TRAPPC12: variants seen among roughly 807,000 people sequenced by gnomAD.
TRAPPC12 encodes trafficking protein particle complex subunit 12.
A neutral mutation model predicts 69.2 loss-of-function variants in TRAPPC12; 61 were observed. The observed-to-expected ratio is 0.88, with a 90% confidence interval of 0.72 to 1.09. TRAPPC12 has a LOEUF of 1.09. Ranked by LOEUF, TRAPPC12 falls within the 50% of genes least tolerant of loss-of-function variation. The pLI, the probability that TRAPPC12 is intolerant of heterozygous loss-of-function variation, is 0.00. For missense variants in TRAPPC12, 1,101 were observed against 1,016.4 expected, an observed-to-expected ratio of 1.08 and a Z score of -1.13; for synonymous variants, 469 against 438.9, an observed-to-expected ratio of 1.07 and a Z score of -0.86.
intron 1 of TRAPPC12, among the ~76,000 whole-genome samples, chr2:3,385,722 T>G (rs1660458339): frequency 6.6e-6 from 1 of 152,256 alleles, no homozygotes; most frequent in South Asian, 2.1e-4. Flanking sequence ...TCCCTTTCTC[T>G]CATCATTAGC....
intron 2 of TRAPPC12, among the ~76,000 whole-genome samples, chr2:3,392,400 T>C (rs940246754): frequency 1.3e-5 from 2 of 152,208 alleles, no homozygotes; most frequent in Admixed American, 6.5e-5. Flanking sequence ...TTCAGTGTCC[T>C]GTGGCTCAGT....
At chr2:3,456,171 G>T (rs796426032) in intron 6 of TRAPPC12, 18 of 152,328 alleles carry the variant, frequency 1.2e-4, no homozygotes, top group African/African-American at 4.3e-4. Flanking sequence ...GGTAGCCCAA[G>T]ATAACGGTTA....
intron 3 of TRAPPC12, among the ~76,000 whole-genome samples, chr2:3,404,026 C>T (rs74671887): frequency 0.017 from 2,628 of 152,264 alleles, 113 homozygotes; most frequent in East Asian, 0.17. Flanking sequence ...TATGTGTGGT[C>T]TTGTGACTTC....
intron 3 of TRAPPC12, among the ~76,000 whole-genome samples, chr2:3,418,280 T>C (rs1662560988): frequency 6.6e-6 from 1 of 151,908 alleles, no homozygotes; most frequent in Non-Finnish European, 1.5e-5. Flanking sequence ...AAGAATAAAA[T>C]GGAAAACATG....
chr2:3,427,056 G>T (rs1371870050), intron 5 of TRAPPC12, among the ~76,000 whole-genome samples: 2 of 152,214 alleles, frequency 1.3e-5, no homozygotes, highest in South Asian at 2.1e-4. Context: ...AAGATGGAAA[G>T]GTTAAAGGCA....
intron 7 of TRAPPC12, 124 bp downstream of exon 7, chr2:3,457,817 G>A (rs540941169): frequency 1.0e-5 from 15 of 1,468,764 alleles, no homozygotes; most frequent in South Asian, 4.2e-5. Context: ...GTGTCCACTC[G>A]TGCATTTGCA....
intron 3 of TRAPPC12, among the ~76,000 whole-genome samples, chr2:3,415,115 A>C (rs943555822): frequency 1.2e-4 from 18 of 152,144 alleles, no homozygotes; most frequent in African/African-American, 4.3e-4. Context: ...GTGTGTATGT[A>C]CAGACAGTCC....
chr2:3,478,816 C>A, intron 10 of TRAPPC12, 30 bp from the exon 11 acceptor site: 1 of 1,608,272 alleles, frequency 6.2e-7, no homozygotes, highest in Non-Finnish European at 8.5e-7. Context: ...GGGCTTTCCC[C>A]GCTAACTGCC....
At chr2:3,464,991 A>G (rs1016739225) in intron 8 of TRAPPC12, among the ~76,000 whole-genome samples, 2 of 152,196 alleles carry the variant, frequency 1.3e-5, no homozygotes, top group African/African-American at 4.8e-5. Context: ...GCGCTCCTAC[A>G]TGTTCCCCCG....
At chr2:3,438,372 C>T (rs1663985538) in intron 5 of TRAPPC12, among the ~76,000 whole-genome samples, 1 of 143,820 alleles carries the variant, frequency 7.0e-6, no homozygotes, top group African/African-American at 2.6e-5. Context: ...TACTTCCACC[C>T]CTGGATTGAT....
In TRAPPC12 at chr2:3,418,714, C is replaced by T. The variant is rs528564323; in HGVS notation, c.1165-3167C>T. ...GTGGGGGGCGTCCAAAGGATGTGCA[C>T]AGATTGCCAGCACCAGGCCCAGCTG... On this transcript the variant is annotated intron_variant, in intron 3 of 11. Transcript: ENST00000324266. 3.3e-5 allele frequency among the ~76,000 whole-genome samples: 5 copies of T among 152,294 alleles called. No homozygotes were observed. The East Asian group carries it at 9.6e-4, about 29-fold the overall frequency.
chr2:3,476,144 G>C (rs1226937273), intron 9 of TRAPPC12, among the ~76,000 whole-genome samples: 1 of 152,204 alleles, frequency 6.6e-6, no homozygotes, highest in Non-Finnish European at 1.5e-5. Flanking sequence ...TGTGGTGTGT[G>C]TGCACGCCTG....
chr2:3,395,896 A>G (rs1661101922), intron 2 of TRAPPC12, among the ~76,000 whole-genome samples: 1 of 152,074 alleles, frequency 6.6e-6, no homozygotes, highest in South Asian at 2.1e-4. Flanking sequence ...CACCCAGCTA[A>G]TTTTTGTAAT....
Position 3,456,641 on chromosome 2 carries a change from C to G in TRAPPC12, c.1531-980C>G, listed in dbSNP as rs150262657. 8.4e-3 allele frequency: 1,392 copies of G among 164,892 alleles called. 7 individuals are homozygous for G. The highest frequency in any genetic ancestry group is 0.036 in the Middle Eastern group (12 of 334). 10.2% of individuals were successfully genotyped at this position (164,892 alleles called of 1,614,324 possible). A position where few individuals can be genotyped will look rare whatever the true frequency, so the allele number is the denominator to read the frequency against. Reference sequence around the variant, plus strand: ...TCACCCAGCCTGGAGTGCAGTGGTGCAGTCCCTGGTCACTGCAGCCTTGAC... The same window carrying G: ...TCACCCAGCCTGGAGTGCAGTGGTGGAGTCCCTGGTCACTGCAGCCTTGAC... On this transcript the variant is annotated intron_variant, in intron 6 of 11. Transcript: ENST00000324266.
chr2:3,426,294 A>G (rs1572141909), intron 5 of TRAPPC12, among the ~76,000 whole-genome samples: 2 of 152,364 alleles, frequency 1.3e-5, no homozygotes, highest in South Asian at 2.1e-4. Flanking sequence ...ATTTCATGGA[A>G]GTGAACCAAC....
chr2:3,391,908 T>G (rs1660846107), intron 2 of TRAPPC12, among the ~76,000 whole-genome samples: 1 of 152,208 alleles, frequency 6.6e-6, no homozygotes, highest in African/African-American at 2.4e-5. Flanking sequence ...GCACTTTCTT[T>G]CAAACCCTCT....
intron 6 of TRAPPC12, among the ~76,000 whole-genome samples, chr2:3,444,354 G>A (rs1351570827): frequency 6.6e-6 from 1 of 152,266 alleles, no homozygotes; most frequent in Non-Finnish European, 1.5e-5. Context: ...GATCCTGACT[G>A]CAAAGGCAGA....
chr2:3,383,871 G>GTTTTTTTTTTTTTTTTTTTTTTTTTTTT lies in TRAPPC12; in HGVS notation c.-4-3735_-4-3708dup, dbSNP rs34956958. On this transcript the variant is annotated intron_variant, in intron 1 of 11. Transcript: ENST00000324266. ...TATTCCCTTGTGATAGTTCAGTCTT[G>GTTTTTTTTTTTTTTTTTTTTTTTTTTTT]TTTTTTTTTTTTTTTTTTTTTTTTT... 5.8e-5 allele frequency among the ~76,000 whole-genome samples: 5 copies of GTTTTTTTTTTTTTTTTTTTTTTTTTTTT among 85,588 alleles called. 1 individual carries two copies. The highest frequency in any genetic ancestry group is 9.3e-5 in the Non-Finnish European group (4 of 42,914). The allele number at this position is 85,588 out of a possible 152,430, so 56.1% of individuals were successfully genotyped here. A position where few individuals can be genotyped will look rare whatever the true frequency, so the allele number is the denominator to read the frequency against.
chr2:3,442,213 CCCAAGT>C (rs1664259831), intron 5 of TRAPPC12, among the ~76,000 whole-genome samples: 1 of 152,018 alleles, frequency 6.6e-6, no homozygotes. Context: ...AACAGCTAGT[CCCAAGT>C]TGGGTTTGAG....
Sources: gnomAD v4.1 joint callset for allele counts (sites outside exome capture counted in the v4.1 genomes callset) on GRCh38, gnomAD v4.1.1 for gene constraint, MANE v1.5 for transcripts, NCBI Gene and HGNC (gene_info 2026-07-23, HGNC 2026-07-21) for gene names.